FOXN2: variants seen among roughly 807,000 people sequenced by gnomAD.
FOXN2 encodes the protein forkhead box N2.
A neutral mutation model predicts 41.2 loss-of-function variants in FOXN2; 19 were observed. That is an observed-to-expected ratio of 0.46 (90% CI 0.32 to 0.68). The LOEUF (loss-of-function observed/expected upper bound fraction) is 0.68. Ranked by LOEUF, FOXN2 falls within the 30% of genes least tolerant of loss-of-function variation. The pLI is 0.03. For missense variants in FOXN2, 587 were observed against 509.4 expected, an observed-to-expected ratio of 1.15 and a Z score of -1.47; for synonymous variants, 195 against 176.8, an observed-to-expected ratio of 1.10 and a Z score of -0.82.
chr2:48,324,596 C>A (rs937381697), intron 1 of FOXN2, among the ~76,000 whole-genome samples: 1 of 151,686 alleles, frequency 6.6e-6, no homozygotes. Flanking sequence ...TATAATTTTC[C>A]CTTTGTACTT....
chr2:48,334,081 G>C (rs1670187609), intron 2 of FOXN2, among the ~76,000 whole-genome samples: 1 of 152,014 alleles, frequency 6.6e-6, no homozygotes, highest in Non-Finnish European at 1.5e-5. Flanking sequence ...AGCAATTTGA[G>C]ACCTTTCAGT....
intron 2 of FOXN2, among the ~76,000 whole-genome samples, chr2:48,337,128 C>G (rs1670417294): frequency 1.3e-5 from 2 of 151,480 alleles, no homozygotes; most frequent in South Asian, 2.1e-4. Context: ...TTCCCAGCCT[C>G]TAGTAACTAT....
At chr2:48,344,041 A>G (rs1025116043) in intron 2 of FOXN2, among the ~76,000 whole-genome samples, 2 of 152,180 alleles carry the variant, frequency 1.3e-5, no homozygotes, top group Non-Finnish European at 2.9e-5. Flanking sequence ...CACTGGGTAC[A>G]CTAAAGAGTG....
In FOXN2 at chr2:48,373,337, C is replaced by G; in HGVS notation, c.749C>G (p.Ser250Cys). The stretch of plus-strand genomic sequence containing the variant: ...GCTGCAATGATGCTTTTAAATACTT[C>G]TATAGAACAAGGAATTTTAGAATGT... Reference protein sequence around the residue: ...AAAAMMLLNTSIEQGILECEK... With the variant: ...AAAAMMLLNTCIEQGILECEK... Residue 250 changes from serine (S) to cysteine (C), a missense_variant, in exon 6 of 7, where the codon TCT (serine) becomes TGT (cysteine). Transcript: ENST00000340553. 1 of 1,583,372 alleles carries G rather than the reference C, an allele frequency of 6.3e-7. No individual in the cohort carries two copies. The highest frequency in any genetic ancestry group is 8.6e-7 in the Non-Finnish European group (1 of 1,168,332).
chr2:48,325,000 C>T (rs930838070), intron 1 of FOXN2, among the ~76,000 whole-genome samples: 1 of 152,098 alleles, frequency 6.6e-6, no homozygotes, highest in Non-Finnish European at 1.5e-5. Flanking sequence ...CAAAAGCAAG[C>T]ATATAGAGAA....
intron 2 of FOXN2, among the ~76,000 whole-genome samples, chr2:48,339,829 A>G (rs994785497): frequency 6.6e-6 from 1 of 152,240 alleles, no homozygotes; most frequent in African/African-American, 2.4e-5. Flanking sequence ...ATGAACAAAG[A>G]CTTCTATAAC....
intron 3 of FOXN2, among the ~76,000 whole-genome samples, chr2:48,351,508 C>T (rs2104407731): frequency 6.6e-6 from 1 of 152,288 alleles, no homozygotes; most frequent in South Asian, 2.1e-4. Context: ...ACGCTAGGGA[C>T]TGGTTTTGTG....
chr2:48,335,026 A>T (rs1389736521), intron 2 of FOXN2, among the ~76,000 whole-genome samples: 1 of 152,226 alleles, frequency 6.6e-6, no homozygotes, highest in East Asian at 1.9e-4. Context: ...AAAACCTAAC[A>T]TATAATCATC....
intron 1 of FOXN2, 26 bp from the exon 2 acceptor site, chr2:48,328,535 T>C (rs1259844228): frequency 2.0e-5 from 3 of 152,048 alleles, no homozygotes; most frequent in African/African-American, 4.8e-5. Flanking sequence ...AACCTTTTTT[T>C]CCCCCCAAAT....
chr2:48,317,522 C>T (rs1669000825), intron 1 of FOXN2, among the ~76,000 whole-genome samples: 1 of 144,474 alleles, frequency 6.9e-6, no homozygotes, highest in South Asian at 2.3e-4. Flanking sequence ...ATTTAAGGAG[C>T]ATTTGGTTTG....
chr2:48,313,698 G>A (rs1212859530), upstream of FOXN2, among the ~76,000 whole-genome samples: 3 of 152,092 alleles, frequency 2.0e-5, no homozygotes, highest in Non-Finnish European at 4.4e-5. Flanking sequence ...ACCTTTGACG[G>A]GTCATTTTTC....
chr2:48,368,031 C>T (rs763348276), intron 5 of FOXN2, among the ~76,000 whole-genome samples: 18 of 151,936 alleles, frequency 1.2e-4, no homozygotes, highest in South Asian at 2.1e-4. Context: ...TTAGTAGAGA[C>T]GGGTTTCACC....
chr2:48,330,124 T>A lies in FOXN2; in HGVS notation c.-15+1422T>A, dbSNP rs144282194. ...AGGTAGTCTTCAGATTTAGAAAATA[T>A]TAGTATCTATAAACTGCTAAAATAT... On this transcript the variant is annotated intron_variant, in intron 2 of 6. Transcript: ENST00000340553. Among the ~76,000 whole-genome samples the A allele has an allele frequency of 3.9e-5, 6 of 152,228 alleles. No homozygotes were observed. In the East Asian group the frequency reaches 1.2e-3, roughly 29 times the overall value.
rs573959451 is a variant in FOXN2 at position 48,366,608 on chromosome 2, C to A, written c.703+3901C>A. 6.6e-5 allele frequency among the ~76,000 whole-genome samples: 10 copies of A among 152,198 alleles called. No individual in the cohort carries two copies. In the South Asian group the frequency reaches 2.1e-3, roughly 32 times the overall value. ...CATAATAAGGACTTTGAACATCCTC[C>A]TCTGCCTAGAACAATTAATAAGCCT... On this transcript the variant is annotated intron_variant, in intron 5 of 6. Coordinates refer to ENST00000340553, the MANE Select transcript of FOXN2 (RefSeq NM_002158.4).
At chr2:48,354,565 A>G (rs1041482227) in intron 3 of FOXN2, among the ~76,000 whole-genome samples, 1 of 152,216 alleles carries the variant, frequency 6.6e-6, no homozygotes, top group Non-Finnish European at 1.5e-5. Flanking sequence ...GTGCCACTGC[A>G]CTCCAGCCTG....
In FOXN2 at chr2:48,334,323, A is replaced by T. The variant is rs1268515986; in HGVS notation, c.-15+5621A>T. ...ATCCATTAATCTTTTACCTCCAGGG[A>T]TACTTCCAATTGAGATTCATTGTCA... is the stretch of plus-strand genomic sequence containing the variant. On this transcript the variant is annotated intron_variant, in intron 2 of 6. Transcript: ENST00000340553. 2.0e-5 allele frequency among the ~76,000 whole-genome samples: 3 copies of T among 152,316 alleles called. No individual in the cohort carries two copies. In the East Asian group the frequency reaches 5.8e-4, roughly 29 times the overall value.
At chr2:48,364,234 A>T (rs1169806305) in intron 5 of FOXN2, among the ~76,000 whole-genome samples, 1 of 151,922 alleles carries the variant, frequency 6.6e-6, no homozygotes, top group Admixed American at 6.6e-5. Context: ...TTATTTATTT[A>T]TTTATTTATT....
rs1170981795 is a variant in FOXN2, at chr2:48,359,164, T to A, written c.638+17T>A. 3 of 1,560,096 alleles carry A rather than the reference T, an allele frequency of 1.9e-6. No individual in the cohort carries two copies. The highest frequency in any genetic ancestry group is 2.7e-6 in the Non-Finnish European group (3 of 1,131,212). On this transcript the variant is annotated intron_variant, in intron 4 of 6. Coordinates refer to ENST00000340553, the MANE Select transcript of FOXN2 (RefSeq NM_002158.4). Reference sequence around the variant, plus strand: ...TTCACAAAAGTAAGGATCTTCCATATAACTGTCAGTGGTGATTTATAGGAT... The same window carrying A: ...TTCACAAAAGTAAGGATCTTCCATAAAACTGTCAGTGGTGATTTATAGGAT...
chr2:48,357,972 C>T (rs1472331295), intron 3 of FOXN2, among the ~76,000 whole-genome samples: 2 of 150,434 alleles, frequency 1.3e-5, no homozygotes, highest in Non-Finnish European at 2.9e-5. Context: ...CAGTGCATTT[C>T]TTTCTTTATG....
Sources: allele counts gnomAD v4.1 joint callset (sites outside exome capture counted in the v4.1 genomes callset), GRCh38; gene constraint gnomAD v4.1.1; transcripts MANE v1.5; gene names NCBI Gene and HGNC (gene_info 2026-07-23, HGNC 2026-07-21).